GNG2: variants seen among roughly 807,000 people sequenced by gnomAD.
GNG2 encodes G protein subunit gamma 2, also known as guanine nucleotide-binding protein G(I)/G(S)/G(O) subunit gamma-2.
In GNG2, 5 loss-of-function variants were observed where a neutral mutation model predicts 5.5. The ratio of observed to expected loss-of-function variants is 0.91; its 90% CI spans 0.48 to 1.92. GNG2 has a LOEUF of 1.92. Among genes scored for constraint, GNG2 ranks in the 30% most tolerant of loss-of-function variants. GNG2 has a pLI of 0.01. For synonymous variants in GNG2, 28 were observed against 32.0 expected (o/e 0.88, Z 0.42); for missense variants, 55 against 88.4 (o/e 0.62, Z 1.52).
At chr14:51,832,502 T>C (rs1432560624) in intron 2 of GNG2, among the ~76,000 whole-genome samples, 1 of 152,200 alleles carries the variant, frequency 6.6e-6, no homozygotes, top group African/African-American at 2.4e-5. Flanking sequence ...AAAATTATTC[T>C]CTCTCAGTGT....
At chr14:51,887,592 C>T (rs1884553357) in intron 2 of GNG2, among the ~76,000 whole-genome samples, 1 of 152,160 alleles carries the variant, frequency 6.6e-6, no homozygotes, top group South Asian at 2.1e-4. Context: ...GGAAAATTCC[C>T]TGACTTGGGA....
chr14:51,837,098 A>G (rs1260980018), intron 2 of GNG2, among the ~76,000 whole-genome samples: 1 of 151,914 alleles, frequency 6.6e-6, no homozygotes, highest in Non-Finnish European at 1.5e-5. Context: ...ACCTCAGGTG[A>G]TCCACCCGCC....
At chr14:51,934,058 A>C (rs1887818222) in intron 2 of GNG2, among the ~76,000 whole-genome samples, 1 of 152,174 alleles carries the variant, frequency 6.6e-6, no homozygotes, top group Admixed American at 6.5e-5. Flanking sequence ...GTTGGATCCG[A>C]CCAGGATTGG....
chr14:51,904,697 C>T (rs752504517), intron 2 of GNG2, among the ~76,000 whole-genome samples: 10 of 152,200 alleles, frequency 6.6e-5, no homozygotes, highest in African/African-American at 1.2e-4. Flanking sequence ...TTTTGACTCA[C>T]TCATGCTCCA....
chr14:51,966,627 C>T lies in GNG2; in HGVS notation c.156C>T (p.Thr52=). 6.2e-7 allele frequency: 1 copy of T among 1,613,136 alleles called. No individual in the cohort carries two copies. Among genetic ancestry groups the T allele is most frequent in the Non-Finnish European group, 8.5e-7 (1 of 1,179,086 alleles). ...ATGCCAAGGAAGACCCCCTCCTGAC[C>T]CCTGTTCCGGCTTCAGAAAACCCGT... is the stretch of plus-strand genomic sequence containing the variant. The part of the protein sequence containing the change: ...EAHAKEDPLL[T]PVPASENPFR... The change falls in exon 4 of 4, where the codon ACC becomes ACT. Residue 52 remains threonine (T), a synonymous_variant. Coordinates refer to ENST00000556766, the MANE Select transcript of GNG2 (RefSeq NM_053064.5).
At chr14:51,837,685 G>A (rs536294477) in intron 2 of GNG2, among the ~76,000 whole-genome samples, 2 of 151,586 alleles carry the variant, frequency 1.3e-5, no homozygotes, top group East Asian at 3.9e-4. Flanking sequence ...CAAATATAAA[G>A]GGAGCACAAG....
At chr14:51,888,373 C>T (rs751899491) in intron 2 of GNG2, among the ~76,000 whole-genome samples, 17 of 152,114 alleles carry the variant, frequency 1.1e-4, no homozygotes, top group Non-Finnish European at 2.5e-4. Context: ...GGCTGGAGTA[C>T]AGTGACATGA....
upstream of GNG2, among the ~76,000 whole-genome samples, chr14:51,859,468 T>C (rs1250588986): frequency 6.6e-6 from 1 of 152,208 alleles, no homozygotes; most frequent in Middle Eastern, 3.2e-3. Context: ...ACTTGCTGAA[T>C]GTGAGGCCCA....
chr14:51,930,512 C>G (rs753010252), intron 2 of GNG2, among the ~76,000 whole-genome samples: 1 of 152,236 alleles, frequency 6.6e-6, no homozygotes, highest in Non-Finnish European at 1.5e-5. Flanking sequence ...ACCTTGGTCA[C>G]GTCACCTGAT....
chr14:51,897,554 G>C (rs2140172808), intron 2 of GNG2, among the ~76,000 whole-genome samples: 1 of 152,320 alleles, frequency 6.6e-6, no homozygotes, highest in Non-Finnish European at 1.5e-5. Context: ...AAAAAGGAGA[G>C]ATAAGTTGAG....
intron 2 of GNG2, among the ~76,000 whole-genome samples, chr14:51,931,714 A>G (rs912597262): frequency 6.6e-6 from 1 of 152,352 alleles, no homozygotes; most frequent in East Asian, 1.9e-4. Context: ...GTGAGGATGT[A>G]GATAAATTGG....
At chr14:51,908,278 G>A (rs1229985832) in intron 2 of GNG2, among the ~76,000 whole-genome samples, 8 of 152,176 alleles carry the variant, frequency 5.3e-5, no homozygotes, top group Non-Finnish European at 1.0e-4. Context: ...GGCCCAAGAC[G>A]GAAGCCACAG....
At chr14:51,941,292 G>C (rs1167502874) in intron 2 of GNG2, among the ~76,000 whole-genome samples, 1 of 152,182 alleles carries the variant, frequency 6.6e-6, no homozygotes, top group East Asian at 1.9e-4. Flanking sequence ...CGTGAAATTA[G>C]TCTGCTAATT....
At chr14:51,880,174 G>A (rs1424991474) in intron 2 of GNG2, among the ~76,000 whole-genome samples, 1 of 152,184 alleles carries the variant, frequency 6.6e-6, no homozygotes, top group Non-Finnish European at 1.5e-5. Flanking sequence ...GGTACTATAG[G>A]TATGGCCCCT....
chr14:51,937,202 A>G (rs891319652), intron 2 of GNG2, among the ~76,000 whole-genome samples: 11 of 152,232 alleles, frequency 7.2e-5, no homozygotes, highest in African/African-American at 1.9e-4. Flanking sequence ...TATTGATTGA[A>G]AGACTAAAAA....
chr14:51,962,354 A>T (rs990542338), intron 3 of GNG2, among the ~76,000 whole-genome samples: 1 of 152,192 alleles, frequency 6.6e-6, no homozygotes, highest in Non-Finnish European at 1.5e-5. Context: ...CAATGAATAT[A>T]ATGTGATTGA....
At chr14:51,866,285 C>T (rs535643443) in intron 1 of GNG2, among the ~76,000 whole-genome samples, 38 of 152,274 alleles carry the variant, frequency 2.5e-4, no homozygotes, top group African/African-American at 7.2e-4. Flanking sequence ...ACTGCATCTC[C>T]GCAGGGCCAT....
chr14:51,930,566 C>G (rs1191030479), intron 2 of GNG2, among the ~76,000 whole-genome samples: 1 of 152,156 alleles, frequency 6.6e-6, no homozygotes, highest in African/African-American at 2.4e-5. Flanking sequence ...TCTTGTTTGC[C>G]TTAGAAGTGT....
At chr14:51,845,451 A>G (rs1217032899) in intron 2 of GNG2, among the ~76,000 whole-genome samples, 2 of 152,224 alleles carry the variant, frequency 1.3e-5, no homozygotes, top group African/African-American at 4.8e-5. Flanking sequence ...CTGAGATCAT[A>G]CCACTGCACT....
Sources: allele counts gnomAD v4.1 joint callset (sites outside exome capture counted in the v4.1 genomes callset), GRCh38; gene constraint gnomAD v4.1.1; transcripts MANE v1.5; gene names NCBI Gene and HGNC (gene_info 2026-07-23, HGNC 2026-07-21).